NINL: variants seen among roughly 807,000 people sequenced by gnomAD.
NINL encodes ninein-like protein.
NINL carries 153 observed loss-of-function variants against 160.3 expected under a neutral mutation model. The ratio of observed to expected loss-of-function variants is 0.95; its 90% CI spans 0.84 to 1.09. The LOEUF is 1.09. Ranked by LOEUF, NINL falls within the 50% of genes least tolerant of loss-of-function variation. The pLI is 0.00. For synonymous variants in NINL, 800 were observed against 734.8 expected, an observed-to-expected ratio of 1.09 and a Z score of -1.43; for missense variants, 1,829 against 1,764.0, an observed-to-expected ratio of 1.04 and a Z score of -0.66.
rs1462463003 is a variant in NINL at position 25,490,135 on chromosome 20, G to C, written c.1486-150C>G. 1.3e-5 allele frequency: 9 copies of C among 712,804 alleles called. No individual in the cohort carries two copies. In the African/African-American group the frequency reaches 1.6e-4, roughly 13 times the overall value. 44.2% of individuals were successfully genotyped at this position (712,804 alleles called of 1,614,324 possible). ...GCGAGGCACCTGGTGCTGTGCAGGC[G>C]GCTGTGCCGGGGATGTCCCCCACCC... On this transcript the variant is annotated intron_variant, in intron 11 of 23. Transcript: ENST00000278886.
chr20:25,468,813 AC>A (rs1271801642), intron 18 of NINL, among the ~76,000 whole-genome samples: 1 of 28,660 alleles, frequency 3.5e-5, no homozygotes, highest in Non-Finnish European at 6.6e-5. Flanking sequence ...ACTGGTGGGC[AC>A]CCCCCTACCC....
intron 1 of NINL, among the ~76,000 whole-genome samples, chr20:25,563,656 T>A (rs970065076): frequency 9.9e-5 from 15 of 152,190 alleles, no homozygotes; most frequent in Non-Finnish European, 1.9e-4. Flanking sequence ...ACAAGAAATC[T>A]TCTTCAAATA....
intron 12 of NINL, 131 bp from the exon 13 acceptor site, chr20:25,489,455 G>A: frequency 8.3e-6 from 6 of 724,584 alleles, no homozygotes; most frequent in East Asian, 2.6e-5. Context: ...AGGTATAGCC[G>A]CCATCCCCCC....
At chr20:25,472,161 C>T (rs1317613219) in intron 17 of NINL, among the ~76,000 whole-genome samples, 1 of 151,472 alleles carries the variant, frequency 6.6e-6, no homozygotes, top group African/African-American at 2.4e-5. Flanking sequence ...GCAGATTACA[C>T]AGAGCTGAAA....
rs199888621 is a variant in NINL, at chr20:25,476,739, G to A, written c.2552C>T (p.Pro851Leu). The change falls in exon 17 of 24, where the codon CCG (proline) becomes CTG (leucine). Residue 851 changes from proline to leucine, a missense_variant. Pro to Leu is a moderately conservative substitution (Grantham distance 98). Transcript: ENST00000278886. ...GGCCAGTGGCCGCTCCCCACAGCCC[G>A]GACGCAGTGGTAGGAGGCCACGTGT... Reference protein sequence around the residue: ...EGTRGLLPLRPGCGERPLAWL... With the variant: ...EGTRGLLPLRLGCGERPLAWL... 217 of 1,606,812 alleles carry A rather than the reference G, an allele frequency of 1.4e-4. 2 individuals carry two copies. The East Asian group carries it at 3.2e-3, about 23-fold the overall frequency.
At chr20:25,507,749 A>C (rs958300897) in intron 5 of NINL, among the ~76,000 whole-genome samples, 3 of 152,218 alleles carry the variant, frequency 2.0e-5, no homozygotes, top group Admixed American at 1.3e-4. Context: ...GGTTGAGGAA[A>C]ACAAGAGGAA....
chr20:25,483,521 G>A (rs1427626267), intron 13 of NINL, among the ~76,000 whole-genome samples: 1 of 152,274 alleles, frequency 6.6e-6, no homozygotes, highest in Admixed American at 6.5e-5. Flanking sequence ...AACTACCAAA[G>A]AGGAAACCAT....
chr20:25,511,369 C>T (rs1013398306), intron 4 of NINL, among the ~76,000 whole-genome samples: 6 of 152,170 alleles, frequency 3.9e-5, no homozygotes, highest in Admixed American at 1.3e-4. Flanking sequence ...AAGAAACACG[C>T]GACTTAAGTA....
chr20:25,532,933 TG>T (rs76724522), intron 1 of NINL, among the ~76,000 whole-genome samples: 14,536 of 152,046 alleles, frequency 0.096, 1,148 homozygotes, highest in African/African-American at 0.21. Context: ...CCTTAGCAAA[TG>T]GAGGCAGTTG....
intron 14 of NINL, 87 bp from the exon 15 acceptor site, chr20:25,480,354 G>T: frequency 9.9e-7 from 1 of 1,014,926 alleles, no homozygotes; most frequent in Non-Finnish European, 1.5e-6. Context: ...TTTTGGCATT[G>T]GCATCCATGA....
chr20:25,514,242 A>G (rs2064124365), intron 3 of NINL, among the ~76,000 whole-genome samples: 2 of 152,222 alleles, frequency 1.3e-5, no homozygotes, highest in African/African-American at 4.8e-5. Flanking sequence ...CGCTTTAGCA[A>G]AGAGCCTGGT....
At chr20:25,512,123 G>A (rs950720242) in intron 4 of NINL, among the ~76,000 whole-genome samples, 1 of 152,174 alleles carries the variant, frequency 6.6e-6, no homozygotes, top group African/African-American at 2.4e-5. Flanking sequence ...TGCATCCCAG[G>A]CACCTGCAGC....
At chr20:25,501,094 GCCTGT>G in intron 7 of NINL, 84 bp from the exon 8 acceptor site, 1 of 1,494,874 alleles carries the variant, frequency 6.7e-7, no homozygotes, top group Non-Finnish European at 8.9e-7. Flanking sequence ...ACCCTCCCCA[GCCTGT>G]GCTCAGAGGG....
chr20:25,470,002 G>T lies in NINL; in HGVS notation c.3342C>A (p.His1114Gln), dbSNP rs1568854829. 1 of 1,613,764 alleles carries T rather than the reference G, an allele frequency of 6.2e-7. No homozygotes were observed. Among genetic ancestry groups the T allele is most frequent in the Non-Finnish European group, 8.5e-7 (1 of 1,179,644 alleles). ...RQELEAAESTHDAQRKEIEVL... is the reference protein window; with the variant it reads ...RQELEAAESTQDAQRKEIEVL... ...GGCGTGGCCCTTACCTCTGTGCATC[G>T]TGAGTACTTTCTGCAGCTTCAAGCT... Residue 1114 changes from histidine to glutamine, a missense_variant, in exon 18 of 24, where the codon CAC becomes CAA. His to Gln is a conservative substitution (Grantham distance 24). Coordinates refer to ENST00000278886, the MANE Select transcript of NINL (RefSeq NM_025176.6).
chr20:25,498,274 TC>T lies in NINL; in HGVS notation c.1104del (p.Met368IlefsTer19). The T allele has an allele frequency of 6.2e-7, 1 of 1,613,422 alleles. No homozygotes were observed. The highest frequency in any genetic ancestry group is 8.5e-7 in the Non-Finnish European group (1 of 1,180,026). ...GCCTGCTGGACGGCACTGTCCACTGTCATGAGCTCGTTGTCAAGGGCCCAGG... is the reference window on the plus strand; with the variant it reads ...GCCTGCTGGACGGCACTGTCCACTGTATGAGCTCGTTGTCAAGGGCCCAGG... ...ELTWALDNEL[M>X]TVDSAVQQAA... On this transcript the variant is annotated frameshift_variant, in exon 9 of 24. Coordinates refer to ENST00000278886, the MANE Select transcript of NINL (RefSeq NM_025176.6). LOFTEE classifies it high-confidence loss of function.
chr20:25,517,672 C>T, intron 3 of NINL, 81 bp downstream of exon 3: 1 of 1,096,634 alleles, frequency 9.1e-7, no homozygotes, highest in Non-Finnish European at 1.3e-6. Context: ...TTCAGAACTG[C>T]TGGATTCTTT....
intron 1 of NINL, among the ~76,000 whole-genome samples, chr20:25,561,418 C>A (rs1600345547): frequency 6.6e-6 from 1 of 152,246 alleles, no homozygotes; most frequent in Non-Finnish European, 1.5e-5. Flanking sequence ...CTTGGCCCCC[C>A]AAAGTGCCGA....
intron 1 of NINL, among the ~76,000 whole-genome samples, chr20:25,528,937 T>C (rs2064403276): frequency 6.6e-6 from 1 of 152,332 alleles, no homozygotes; most frequent in South Asian, 2.1e-4. Context: ...GCCAGTTCTA[T>C]ATAGATGTCG....
In NINL at chr20:25,479,123, GC is replaced by G; in HGVS notation, c.2000del (p.Arg667ProfsTer75). On this transcript the variant is annotated frameshift_variant, in exon 16 of 24. Transcript: ENST00000278886. LOFTEE classifies it high-confidence loss of function. The stretch of plus-strand genomic sequence containing the variant: ...TCTGACCCTCCAGCACGCTGACCTC[GC>G]GCCTGCGAGCCTGCTCCATGTCCTT... ...ERKDMEQARR[R>X]EVSVLEGQKA... 2.5e-6 allele frequency: 4 copies of G among 1,613,868 alleles called. No homozygotes were observed. The highest frequency in any genetic ancestry group is 3.4e-6 in the Non-Finnish European group (4 of 1,180,018).
Sources: gnomAD v4.1 joint callset for allele counts (sites outside exome capture counted in the v4.1 genomes callset) on GRCh38, gnomAD v4.1.1 for gene constraint, MANE v1.5 for transcripts, NCBI Gene and HGNC (gene_info 2026-07-23, HGNC 2026-07-21) for gene names.